The following PRCC variants were observed in gnomAD, a reference collection of about 807,000 sequenced individuals.
The protein encoded by PRCC is proline-rich protein PRCC.
Under a neutral mutation model 44.0 loss-of-function variants are expected in PRCC, and 10 were observed. The observed-to-expected ratio is 0.23, with a 90% CI of 0.14 to 0.39. The LOEUF is 0.39. Ranked by LOEUF, PRCC falls within the 10% of genes least tolerant of loss-of-function variation. The probability of loss-of-function intolerance (pLI) is 1.00; values close to 1 mark genes in which losing one functional copy is unlikely to be tolerated. For synonymous variants in PRCC, 278 were observed against 259.5 expected (o/e 1.07, Z -0.69); for missense variants, 573 against 624.7 (o/e 0.92, Z 0.88).
intron 2 of PRCC, among the ~76,000 whole-genome samples, chr1:156,784,477 C>T (rs1571584457): frequency 6.6e-6 from 1 of 152,170 alleles, no homozygotes. Flanking sequence ...GGACTTAGGA[C>T]TGCAAAATGT....
chr1:156,768,363 C>T, intron 1 of PRCC, 124 bp downstream of exon 1: 4 of 1,054,428 alleles, frequency 3.8e-6, no homozygotes, highest in Non-Finnish European at 4.2e-6. Context: ...CCACTGGAAT[C>T]CTCTTATAAT....
At chr1:156,795,249 C>CTCCT (rs1266257595) in intron 5 of PRCC, among the ~76,000 whole-genome samples, 1 of 109,912 alleles carries the variant, frequency 9.1e-6, no homozygotes, top group African/African-American at 3.6e-5. Flanking sequence ...TCCTCCTTTC[C>CTCCT]TCCTTCCTTC....
At chr1:156,789,642 A>G (rs1652408158) in intron 3 of PRCC, among the ~76,000 whole-genome samples, 1 of 151,828 alleles carries the variant, frequency 6.6e-6, no homozygotes, top group South Asian at 2.1e-4. Flanking sequence ...AATAATAAAT[A>G]AAGAGAATCC....
intron 3 of PRCC, chr1:156,791,106 A>G (rs763053223): frequency 7.1e-7 from 1 of 1,416,220 alleles, no homozygotes; most frequent in Non-Finnish European, 9.5e-7. Flanking sequence ...TCTAAGGGGA[A>G]TCATGAGATT....
At chr1:156,776,248 T>G (rs1651823788) in intron 1 of PRCC, among the ~76,000 whole-genome samples, 1 of 152,204 alleles carries the variant, frequency 6.6e-6, no homozygotes, top group Non-Finnish European at 1.5e-5. Flanking sequence ...CAAGTGCCTG[T>G]AGTCCCAGCT....
rs190762435 is a variant in PRCC, at chr1:156,794,799, A to C, written c.1314A>C (p.Ser438=). 6.2e-7 allele frequency: 1 copy of C among 1,614,238 alleles called. No individual in the cohort carries two copies. The highest frequency in any genetic ancestry group is 1.1e-5 in the South Asian group (1 of 91,086). Reference sequence around the variant, plus strand: ...TGACAGAAGAGAAAACCATGAAGTCATTCAGCAAAGTAAGTGGGAAACGTC... The same window carrying C: ...TGACAGAAGAGAAAACCATGAAGTCCTTCAGCAAAGTAAGTGGGAAACGTC... ...KSLTEEKTMK[S]FSKKKGEQPT... is the part of the protein sequence containing the mutation. The change falls in exon 5 of 7, where the codon TCA becomes TCC. Residue 438 remains serine (S), a synonymous_variant. Coordinates refer to ENST00000271526, the MANE Select transcript of PRCC (RefSeq NM_005973.5).
At chr1:156,793,012 A>G (rs1224826525) in intron 4 of PRCC, among the ~76,000 whole-genome samples, 1 of 152,198 alleles carries the variant, frequency 6.6e-6, no homozygotes, top group East Asian at 1.9e-4. Context: ...CAGGATATAA[A>G]GTACTGTTCT....
At position 156,800,363 on chromosome 1, in the gene PRCC, C is replaced by G. The variant is rs780172240; in HGVS notation, c.1390-11C>G. ...AGTTTGACCCTCCCCTACCCTTCTT[C>G]CTTGCCACAGGCCAAGGAGCGGGAG... is the stretch of plus-strand genomic sequence containing the variant. On this transcript the variant is annotated splice_polypyrimidine_tract_variant and intron_variant, in intron 6 of 6. Coordinates refer to ENST00000271526, the MANE Select transcript of PRCC (RefSeq NM_005973.5). 8.1e-6 allele frequency: 13 copies of G among 1,614,038 alleles called. No homozygotes were observed. The South Asian group carries it at 1.4e-4, about 18-fold the overall frequency.
rs76271348 is a variant in PRCC at position 156,774,157 on chromosome 1, CTTTTTTTTTTTTTTTT to C, written c.468+5939_468+5954del. Among the ~76,000 whole-genome samples, 69 of 54,002 alleles carry C rather than the reference CTTTTTTTTTTTTTTTT, an allele frequency of 1.3e-3. No individual in the cohort carries two copies. In the East Asian group the frequency reaches 0.033, roughly 26 times the overall value. The allele number at this position is 54,002 out of a possible 152,430, so 35.4% of individuals were successfully genotyped here. A position where few individuals can be genotyped will look rare whatever the true frequency, so the allele number is the denominator to read the frequency against. On this transcript the variant is annotated intron_variant, in intron 1 of 6. Transcript: ENST00000271526. Reference sequence around the variant, plus strand: ...GAGTTTCTTTCTTTTTTTGAGTCACCTTTTTTTTTTTTTTTTTTTTTTTTTTTTTTTTTTTTGAGAC... The same window carrying C: ...GAGTTTCTTTCTTTTTTTGAGTCACCTTTTTTTTTTTTTTTTTTTTGAGAC...
intron 2 of PRCC, among the ~76,000 whole-genome samples, chr1:156,785,815 C>CTTTT (rs11371012): frequency 1.4e-5 from 2 of 140,614 alleles, no homozygotes; most frequent in Non-Finnish European, 3.1e-5. Flanking sequence ...GGGGAAGGGA[C>CTTTT]TTTTTTTTTT....
chr1:156,797,378 CT>C, intron 6 of PRCC, 37 bp downstream of exon 6: 3 of 1,610,994 alleles, frequency 1.9e-6, no homozygotes, highest in Non-Finnish European at 2.5e-6. Flanking sequence ...CAGGCAGGAT[CT>C]CTGTAAATCT....
At chr1:156,794,518 G>A in intron 4 of PRCC, 147 bp from the exon 5 acceptor site, 2 of 931,418 alleles carry the variant, frequency 2.1e-6, no homozygotes, top group East Asian at 5.1e-5. Flanking sequence ...AGGGAGTTTG[G>A]TAGATGGCAG....
At chr1:156,785,598 A>G (rs1000155101) in intron 2 of PRCC, among the ~76,000 whole-genome samples, 8 of 99,420 alleles carry the variant, frequency 8.0e-5, no homozygotes, top group Admixed American at 1.2e-4. Context: ...AAGGGGGGGA[A>G]AAAAAAGAGA....
In PRCC at chr1:156,800,432, G is replaced by A. The variant is rs375603182; in HGVS notation, c.1448G>A (p.Arg483His). The stretch of plus-strand genomic sequence containing the variant: ...TGGTCAGAGAACAAGCTCAGCCGCC[G>A]TCAGACCCAAGCCAAATATGGATTC... ...NTWSENKLSRRQTQAKYGF is the reference protein window; with the variant it reads ...NTWSENKLSRHQTQAKYGF Residue 483 changes from arginine to histidine, a missense_variant, in exon 7 of 7, where the codon CGT (arginine) becomes CAT (histidine). By Grantham distance (29) the Arg-to-His change is conservative (BLOSUM62 0). Coordinates refer to ENST00000271526, the MANE Select transcript of PRCC (RefSeq NM_005973.5). 1.9e-6 allele frequency: 3 copies of A among 1,614,148 alleles called. No homozygotes were observed. The highest frequency in any genetic ancestry group is 1.7e-6 in the Non-Finnish European group (2 of 1,180,024).
intron 1 of PRCC, among the ~76,000 whole-genome samples, chr1:156,779,535 C>CTAA (rs111623041): frequency 0.98 from 147,974 of 151,758 alleles, 72,249 homozygotes; most frequent in East Asian, 1. Context: ...TCATGCCCAG[C>CTAA]TTTTTGTATT....
At chr1:156,787,450 G>GAT (rs57206380) in intron 3 of PRCC, among the ~76,000 whole-genome samples, 52 of 124,884 alleles carry the variant, frequency 4.2e-4, no homozygotes, top group African/African-American at 1.6e-3. Context: ...ATTTGTGATT[G>GAT]ATATATATAT....
rs776208790 is a variant in PRCC, at chr1:156,767,828, C to T, written c.57C>T (p.Pro19=). 2.7e-5 allele frequency: 44 copies of T among 1,610,226 alleles called. No individual in the cohort carries two copies. Among genetic ancestry groups the T allele is most frequent in the Admixed American group, 3.3e-5 (2 of 59,732 alleles). Residue 19 remains proline (P), a synonymous_variant, in exon 1 of 7, where the codon CCC becomes CCT. Transcript: ENST00000271526. The part of the protein sequence containing the change: ...SDESEPDEAE[P]EPEEEEAVAP... ...AGAGCGAGCCGGATGAGGCTGAGCCCGAGCCGGAGGAAGAGGAGGCGGTGG... is the reference window on the plus strand; with the variant it reads ...AGAGCGAGCCGGATGAGGCTGAGCCTGAGCCGGAGGAAGAGGAGGCGGTGG...
intron 1 of PRCC, among the ~76,000 whole-genome samples, chr1:156,768,673 G>C (rs12092265): frequency 0.03 from 4,507 of 152,296 alleles, 227 homozygotes; most frequent in African/African-American, 0.1. Context: ...GAACTCAAAA[G>C]CATCAGGCCT....
chr1:156,791,368 G>T, intron 3 of PRCC: 1 of 467,002 alleles, frequency 2.1e-6, no homozygotes, highest in Non-Finnish European at 4.0e-6. Flanking sequence ...GCATGGTAGA[G>T]GTAAGAGGTG....
Sources: gnomAD v4.1 joint callset for allele counts (sites outside exome capture counted in the v4.1 genomes callset) on GRCh38, gnomAD v4.1.1 for gene constraint, MANE v1.5 for transcripts, NCBI Gene and HGNC (gene_info 2026-07-23, HGNC 2026-07-21) for gene names.